CTNNA3: variants seen among roughly 807,000 people sequenced by gnomAD.
The protein encoded by CTNNA3 is catenin alpha 3.
CTNNA3 carries 76 observed loss-of-function variants against 95.7 expected under a neutral mutation model. That is an observed-to-expected ratio of 0.79 (90% CI 0.66 to 0.96). The LOEUF (loss-of-function observed/expected upper bound fraction) is 0.96, where lower values mean the gene tolerates loss of function less well. Ranked by LOEUF, CTNNA3 falls within the 40% of genes least tolerant of loss-of-function variation. The pLI is 0.00. For synonymous variants in CTNNA3, 431 were observed against 374.4 expected (o/e 1.15, Z -1.74); for missense variants, 1,191 against 1,089.8 (o/e 1.09, Z -1.31).
intron 6 of CTNNA3, among the ~76,000 whole-genome samples, chr10:67,195,028 G>C (rs1345786916): frequency 3.3e-5 from 5 of 151,912 alleles, no homozygotes; most frequent in Middle Eastern, 3.4e-3. Flanking sequence ...TCTTAGGATG[G>C]GAAGAATCAA....
chr10:66,223,234 A>G (rs2089068093), intron 13 of CTNNA3, among the ~76,000 whole-genome samples: 1 of 152,100 alleles, frequency 6.6e-6, no homozygotes, highest in Non-Finnish European at 1.5e-5. Flanking sequence ...AAAACTCTAC[A>G]TGTCTAAAGA....
intron 5 of CTNNA3, among the ~76,000 whole-genome samples, chr10:67,490,947 C>A (rs1334279356): frequency 2.0e-5 from 3 of 152,050 alleles, no homozygotes; most frequent in Non-Finnish European, 4.4e-5. Context: ...TCTTTTACAA[C>A]CTTAACAGAA....
intron 1 of CTNNA3, among the ~76,000 whole-genome samples, chr10:67,675,049 T>C (rs1840510763): frequency 6.6e-6 from 1 of 152,142 alleles, no homozygotes; most frequent in African/African-American, 2.4e-5. Flanking sequence ...TTTTAATGTG[T>C]CTTTACCCAG....
chr10:67,191,043 A>G (rs1453308654), intron 6 of CTNNA3, among the ~76,000 whole-genome samples: 2 of 152,080 alleles, frequency 1.3e-5, no homozygotes, highest in African/African-American at 4.8e-5. Flanking sequence ...AGATACCACT[A>G]CACATCTATT....
chr10:67,313,033 G>T (rs1481441489), intron 5 of CTNNA3, among the ~76,000 whole-genome samples: 2 of 151,954 alleles, frequency 1.3e-5, no homozygotes, highest in African/African-American at 4.8e-5. Flanking sequence ...TTACTGAGTG[G>T]TAAAGTAAGG....
chr10:66,456,510 G>T (rs192451739), intron 11 of CTNNA3, among the ~76,000 whole-genome samples: 1 of 151,458 alleles, frequency 6.6e-6, no homozygotes, highest in Non-Finnish European at 1.5e-5. Context: ...GTGAAATCCC[G>T]TCTCTACTAA....
chr10:66,759,319 C>T (rs1387281828), intron 9 of CTNNA3, among the ~76,000 whole-genome samples: 2 of 152,164 alleles, frequency 1.3e-5, no homozygotes, highest in African/African-American at 2.4e-5. Context: ...TGCAGTGGAA[C>T]ACTTCTTTTA....
chr10:66,331,342 G>GTTTT (rs60709020), intron 12 of CTNNA3, among the ~76,000 whole-genome samples: 101 of 80,324 alleles, frequency 1.3e-3, no homozygotes, highest in African/African-American at 2.3e-3. Flanking sequence ...CCCATTGTTT[G>GTTTT]TTTTTTTTTT....
chr10:67,417,743 C>T (rs117372513), intron 5 of CTNNA3, among the ~76,000 whole-genome samples: 1 of 151,674 alleles, frequency 6.6e-6, no homozygotes, highest in Non-Finnish European at 1.5e-5. Context: ...AATCCAATTT[C>T]GAACCCATCC....
chr10:66,466,373 C>CACACACACACACACACACAA (rs1222364133), intron 11 of CTNNA3, among the ~76,000 whole-genome samples: 11 of 150,730 alleles, frequency 7.3e-5, no homozygotes, highest in African/African-American at 2.2e-4. Flanking sequence ...CACACACACA[C>CACACACACACACACACACAA]AATCTATTGG....
intron 7 of CTNNA3, among the ~76,000 whole-genome samples, chr10:66,845,371 G>A (rs1221582252): frequency 6.6e-6 from 1 of 152,074 alleles, no homozygotes; most frequent in South Asian, 2.1e-4. Context: ...ACCAAGTGTT[G>A]GCAAAGATAT....
intron 12 of CTNNA3, among the ~76,000 whole-genome samples, chr10:66,310,776 T>C (rs2092008208): frequency 6.7e-6 from 1 of 148,966 alleles, no homozygotes; most frequent in Non-Finnish European, 1.5e-5. Context: ...AAGCTCCGCC[T>C]CCCAGGTTCA....
chr10:66,357,392 G>A (rs1393132145), intron 12 of CTNNA3, among the ~76,000 whole-genome samples: 5 of 151,898 alleles, frequency 3.3e-5, no homozygotes, highest in Admixed American at 6.6e-5. Flanking sequence ...AATTCAGTGC[G>A]TTTTGGTATA....
chr10:66,494,522 T>TTA (rs1362129859), intron 11 of CTNNA3, among the ~76,000 whole-genome samples: 1 of 152,328 alleles, frequency 6.6e-6, no homozygotes, highest in East Asian at 1.9e-4. Flanking sequence ...TGTCTAAGTT[T>TTA]TGTGCTTGCA....
chr10:67,678,160 G>A (rs1408452120), intron 1 of CTNNA3, among the ~76,000 whole-genome samples: 1 of 151,900 alleles, frequency 6.6e-6, no homozygotes, highest in African/African-American at 2.4e-5. Flanking sequence ...ACATAAAAGA[G>A]GAAGACACTT....
At chr10:65,954,289 C>T (rs1369448327) in intron 17 of CTNNA3, among the ~76,000 whole-genome samples, 1 of 152,098 alleles carries the variant, frequency 6.6e-6, no homozygotes, top group Middle Eastern at 3.2e-3. Context: ...GATATTAGAC[C>T]TTTGTCAGAT....
chr10:66,162,761 C>A (rs1242786816), intron 13 of CTNNA3, among the ~76,000 whole-genome samples: 8 of 152,052 alleles, frequency 5.3e-5, no homozygotes, highest in Non-Finnish European at 1.2e-4. Context: ...AGTGGTGGGG[C>A]TCTAGAACTC....
chr10:66,428,226 T>C (rs879555733), intron 11 of CTNNA3, among the ~76,000 whole-genome samples: 19 of 151,974 alleles, frequency 1.3e-4, no homozygotes, highest in Non-Finnish European at 2.4e-4. Context: ...ATATGCACCA[T>C]ATAAAGGAGC....
At chr10:66,401,378 T>A (rs1234865822) in intron 11 of CTNNA3, among the ~76,000 whole-genome samples, 1 of 151,830 alleles carries the variant, frequency 6.6e-6, no homozygotes, top group African/African-American at 2.4e-5. Flanking sequence ...ATAAAAAAAT[T>A]AGCCATGGAT....
Sources: gnomAD v4.1 joint callset for allele counts (sites outside exome capture counted in the v4.1 genomes callset) on GRCh38, gnomAD v4.1.1 for gene constraint, MANE v1.5 for transcripts, NCBI Gene and HGNC (gene_info 2026-07-23, HGNC 2026-07-21) for gene names.